Variants in SPATA1 observed in about 807,000 individuals in gnomAD.
SPATA1 encodes spermatogenesis-associated protein 1.
SPATA1 carries 57 observed loss-of-function variants against 59.6 expected under a neutral mutation model. The ratio of observed to expected loss-of-function variants is 0.96; its 90% CI spans 0.77 to 1.19. The LOEUF (loss-of-function observed/expected upper bound fraction) is 1.19, where lower values mean the gene tolerates loss of function less well. Ranked by LOEUF, SPATA1 falls within the 50% of genes most tolerant of loss-of-function variation. SPATA1 has a pLI of 0.00. For missense variants in SPATA1, 448 were observed against 480.7 expected, an observed-to-expected ratio of 0.93 and a Z score of 0.64; for synonymous variants, 147 against 163.9, an observed-to-expected ratio of 0.90 and a Z score of 0.79.
chr1:84,561,158 AT>A (rs1391991206), intron 4 of SPATA1, among the ~76,000 whole-genome samples: 2 of 152,214 alleles, frequency 1.3e-5, no homozygotes, highest in African/African-American at 2.4e-5. Context: ...TCTAGATGCC[AT>A]TAAGAACATT....
chr1:84,509,803 G>T (rs781371174), intron 1 of SPATA1, among the ~76,000 whole-genome samples: 15 of 152,144 alleles, frequency 9.9e-5, no homozygotes, highest in Non-Finnish European at 2.2e-4. Flanking sequence ...AACTTTCCAG[G>T]ACATTGGATT....
intron 8 of SPATA1, 43 bp downstream of exon 8, chr1:84,533,809 CATA>C (rs1429032314): frequency 4.2e-6 from 5 of 1,180,750 alleles, no homozygotes; most frequent in African/African-American, 1.5e-5. Flanking sequence ...ATTGCAACAT[CATA>C]ATATTTTTAC....
chr1:84,539,742 G>C (rs1426326094), intron 8 of SPATA1, among the ~76,000 whole-genome samples: 2 of 152,054 alleles, frequency 1.3e-5, no homozygotes, highest in Non-Finnish European at 2.9e-5. Flanking sequence ...CTACTTTGTG[G>C]CTTGTCTGTG....
chr1:84,533,884 TC>T (rs1265176498), intron 8 of SPATA1, 118 bp downstream of exon 8: 3 of 624,770 alleles, frequency 4.8e-6, no homozygotes, highest in Non-Finnish European at 8.3e-6. Flanking sequence ...ACTTCTAATA[TC>T]AATATAATCA....
intron 4 of SPATA1, among the ~76,000 whole-genome samples, chr1:84,560,442 C>G (rs776494375): frequency 6.1e-4 from 93 of 152,210 alleles, no homozygotes; most frequent in Non-Finnish European, 1.1e-3. Flanking sequence ...GATCACAGTT[C>G]TACATAGCTG....
In SPATA1 at chr1:84,537,844, T is replaced by G. The variant is rs188908665; in HGVS notation, c.717+4078T>G. 2.0e-5 allele frequency among the ~76,000 whole-genome samples: 3 copies of G among 152,340 alleles called. 1 individual carries two copies. The highest frequency in any genetic ancestry group is 2.0e-4 in the Admixed American group (3 of 15,304). On this transcript the variant is annotated intron_variant, in intron 8 of 12. Coordinates refer to ENST00000490879, the Ensembl canonical transcript of SPATA1. ...CAGTCTTCTGGTGTGCTGAATGGCT[T>G]TGCAAATTCTCCCTGTAGCCATTCC...
rs149074189 is a variant in SPATA1, at chr1:84,548,231, C to G, written c.947-555C>G. Among the ~76,000 whole-genome samples the G allele has an allele frequency of 3.9e-5, 6 of 151,940 alleles. No homozygotes were observed. The East Asian group carries it at 1.2e-3, about 29-fold the overall frequency. On this transcript the variant is annotated intron_variant, in intron 10 of 12. Coordinates refer to ENST00000490879, the Ensembl canonical transcript of SPATA1. ...GATAATCTAAAAGAAAGAAACTAAA[C>G]AAATTCTGGTATACTGGCATATAGT...
intron 8 of SPATA1, among the ~76,000 whole-genome samples, 173 bp downstream of exon 8, chr1:84,533,939 T>C (rs1253661452): frequency 1.3e-5 from 2 of 152,184 alleles, no homozygotes; most frequent in Middle Eastern, 3.4e-3. Flanking sequence ...GGTAACAATA[T>C]GCCCAAATGA....
chr1:84,513,553 T>G (rs1031006760), intron 1 of SPATA1, among the ~76,000 whole-genome samples: 6 of 152,218 alleles, frequency 3.9e-5, no homozygotes, highest in African/African-American at 1.4e-4. Flanking sequence ...TGGAGGCACA[T>G]ATCCCTTGTA....
At chr1:84,525,313 G>C (rs1683172112) in intron 4 of SPATA1, among the ~76,000 whole-genome samples, 1 of 152,154 alleles carries the variant, frequency 6.6e-6, no homozygotes, top group African/African-American at 2.4e-5. Context: ...TGAACTCTAT[G>C]GGTTGAATAT....
Position 84,533,770 on chromosome 1 carries a change from C to A in SPATA1, c.717+4C>A. 2 of 1,546,770 alleles carry A rather than the reference C, an allele frequency of 1.3e-6. No individual in the cohort carries two copies. Among genetic ancestry groups the A allele is most frequent in the South Asian group, 2.4e-5 (2 of 81,660 alleles). On this transcript the variant is annotated splice_donor_region_variant and intron_variant, in intron 8 of 12. Transcript: ENST00000490879. ...CAGTAGAAGACAGGACAATCAGGTA[C>A]TATTTAAAATTTTTTGTTTAAACAT...
chr1:84,543,813 C>T (rs924981394), intron 8 of SPATA1, among the ~76,000 whole-genome samples: 1 of 152,126 alleles, frequency 6.6e-6, no homozygotes, highest in Non-Finnish European at 1.5e-5. Context: ...AAAATTTTGA[C>T]ATGTGACAGA....
chr1:84,552,895 C>A, intron 12 of SPATA1: 1 of 602,820 alleles, frequency 1.7e-6, no homozygotes, highest in Non-Finnish European at 2.9e-6. Context: ...CTGTAGTAAT[C>A]CAGTGGGAGT....
chr1:84,511,682 T>TC lies in SPATA1; in HGVS notation c.-137-4541_-137-4540insC, dbSNP rs1415998068. On this transcript the variant is annotated intron_variant, in intron 1 of 12. Transcript: ENST00000490879. ...TTTTTTTTTTTTTTCTTTCTTTCTT[T>TC]TTTTTTTTTTTTTTTTGAGACAGAG... Among the ~76,000 whole-genome samples the TC allele has an allele frequency of 1.3e-4, 16 of 124,130 alleles. No individual in the cohort carries two copies. The South Asian group carries it at 1.8e-3, about 14-fold the overall frequency. The allele number at this position is 124,130 out of a possible 152,430, so 81.4% of individuals were successfully genotyped here.
At chr1:84,524,284 T>G (rs1683135579) in intron 4 of SPATA1, among the ~76,000 whole-genome samples, 1 of 152,136 alleles carries the variant, frequency 6.6e-6, no homozygotes, top group African/African-American at 2.4e-5. Context: ...ATTTTTTTAA[T>G]GGAGCATTGA....
intron 6 of SPATA1, among the ~76,000 whole-genome samples, chr1:84,528,581 C>G (rs1423938745): frequency 6.6e-6 from 1 of 152,156 alleles, no homozygotes; most frequent in East Asian, 1.9e-4. Context: ...TATACTCACA[C>G]AATTTATTTA....
chr1:84,525,638 A>G (rs1683185104), intron 4 of SPATA1, 58 bp from the exon 5 acceptor site: 1 of 1,483,850 alleles, frequency 6.7e-7, no homozygotes, highest in East Asian at 2.3e-5. Context: ...GTAGAGGTAA[A>G]AATAATTGAA....
chr1:84,511,193 T>C (rs1217408721), intron 1 of SPATA1, among the ~76,000 whole-genome samples: 1 of 152,232 alleles, frequency 6.6e-6, no homozygotes, highest in Non-Finnish European at 1.5e-5. Flanking sequence ...CTTGAGGTCA[T>C]GTATACCCTA....
chr1:84,508,109 C>G (rs1038894696), intron 1 of SPATA1, among the ~76,000 whole-genome samples: 1 of 152,036 alleles, frequency 6.6e-6, no homozygotes, highest in Admixed American at 6.5e-5. Flanking sequence ...GGGAAACCGT[C>G]TCTACTAAAA....
Sources: gnomAD v4.1 joint callset for allele counts (sites outside exome capture counted in the v4.1 genomes callset) on GRCh38, gnomAD v4.1.1 for gene constraint, MANE v1.5 for transcripts, NCBI Gene and HGNC (gene_info 2026-07-23, HGNC 2026-07-21) for gene names.